CEP112: variants seen among roughly 807,000 people sequenced by gnomAD.
The protein encoded by CEP112 is centrosomal protein 112, also known as centrosomal protein of 112 kDa.
CEP112 carries 127 observed loss-of-function variants against 153.0 expected under a neutral mutation model. The ratio of observed to expected loss-of-function variants is 0.83; its 90% CI spans 0.72 to 0.96. The LOEUF (loss-of-function observed/expected upper bound fraction) is 0.96, where lower values mean the gene tolerates loss of function less well. CEP112 is among the 40% of genes least tolerant of loss of function. CEP112 has a pLI of 0.00. For synonymous variants in CEP112, 358 were observed against 374.4 expected (o/e 0.96, Z 0.51); for missense variants, 1,089 against 1,101.2 (o/e 0.99, Z 0.16).
intron 18 of CEP112, among the ~76,000 whole-genome samples, chr17:65,959,642 C>A (rs999142423): frequency 6.6e-6 from 1 of 152,198 alleles, no homozygotes; most frequent in Non-Finnish European, 1.5e-5. Context: ...TGGTTCCTGG[C>A]ATCTCCAAGC....
chr17:65,659,891 G>A (rs2046257556), intron 24 of CEP112, among the ~76,000 whole-genome samples: 1 of 152,126 alleles, frequency 6.6e-6, no homozygotes, highest in East Asian at 1.9e-4. Context: ...GATTTGACTG[G>A]GACATTGAAG....
intron 24 of CEP112, among the ~76,000 whole-genome samples, chr17:65,672,656 G>A (rs367555244): frequency 2.0e-5 from 3 of 152,104 alleles, no homozygotes; most frequent in Non-Finnish European, 4.4e-5. Flanking sequence ...CTTGCTTAAC[G>A]TTCCATAGCA....
At chr17:65,743,754 T>A (rs9902764) in intron 22 of CEP112, among the ~76,000 whole-genome samples, 5,782 of 152,166 alleles carry the variant, frequency 0.038, 367 homozygotes, top group African/African-American at 0.13. Flanking sequence ...GCCTTTTATT[T>A]TTTTTTTTAA....
rs143864387 is a variant in CEP112, at chr17:65,643,823, G to A, written c.2698-2758C>T. ...TCTCCAGATTGTCATTGACTACTGG[G>A]TTTGAATTCTTGATGTAAGCAGAAA... is the stretch of plus-strand genomic sequence containing the variant. On this transcript the variant is annotated intron_variant, in intron 24 of 26. Transcript: ENST00000535342. Among the ~76,000 whole-genome samples, 15 of 152,296 alleles carry A rather than the reference G, an allele frequency of 9.8e-5. No individual in the cohort carries two copies. In the East Asian group the frequency reaches 2.9e-3, roughly 29 times the overall value.
chr17:65,970,633 T>C (rs961034253), intron 17 of CEP112, among the ~76,000 whole-genome samples: 1 of 152,086 alleles, frequency 6.6e-6, no homozygotes, highest in Admixed American at 6.6e-5. Flanking sequence ...GGAAGCATAT[T>C]ACATGCATGC....
At chr17:65,667,259 A>G (rs1163961119) in intron 24 of CEP112, among the ~76,000 whole-genome samples, 2 of 152,176 alleles carry the variant, frequency 1.3e-5, no homozygotes, top group African/African-American at 2.4e-5. Context: ...GCCTTAACAC[A>G]TGATTTAAAT....
rs118013427 is a variant in CEP112 at position 65,639,785 on chromosome 17, T to A, written c.2799+1179A>T. On this transcript the variant is annotated intron_variant, in intron 25 of 26. Transcript: ENST00000535342. ...TAAAACATTCAAACATGTTAGAAGT[T>A]TTTCTCACATCGTGAACCACATCAC... 8.4e-4 allele frequency among the ~76,000 whole-genome samples: 127 copies of A among 151,954 alleles called. 1 individual carries two copies. Among genetic ancestry groups the A allele is most frequent in the Non-Finnish European group, 1.4e-3 (96 of 67,964 alleles).
intron 21 of CEP112, among the ~76,000 whole-genome samples, chr17:65,763,643 T>G (rs1192687297): frequency 1.3e-5 from 2 of 152,056 alleles, no homozygotes; most frequent in East Asian, 3.9e-4. Context: ...GTTTTTGATC[T>G]CTAGCATTTC....
intron 20 of CEP112, among the ~76,000 whole-genome samples, chr17:65,883,334 T>G (rs1170379398): frequency 4.0e-5 from 6 of 151,652 alleles, no homozygotes; most frequent in East Asian, 3.9e-4. Context: ...TTCGTATATA[T>G]ATGATGTATA....
intron 19 of CEP112, among the ~76,000 whole-genome samples, chr17:65,926,947 T>C (rs1055585832): frequency 6.6e-6 from 1 of 152,242 alleles, no homozygotes; most frequent in East Asian, 1.9e-4. Context: ...ATGACTGATA[T>C]TGTTAGGATA....
At chr17:65,894,013 G>C (rs1029056205) in intron 20 of CEP112, among the ~76,000 whole-genome samples, 1 of 152,052 alleles carries the variant, frequency 6.6e-6, no homozygotes, top group Non-Finnish European at 1.5e-5. Flanking sequence ...AGACATCAGG[G>C]ATGTCTCTTA....
At position 66,022,583 on chromosome 17, in the gene CEP112, C is replaced by G. The variant is rs530178748; in HGVS notation, c.1656+4918G>C. On this transcript the variant is annotated intron_variant, in intron 16 of 26. Transcript: ENST00000535342. ...AATTAGCCAGGTATTGTGGCAGGCA[C>G]CTGTAGTCCCAGCTACTCAGGAGGC... Among the ~76,000 whole-genome samples the G allele has an allele frequency of 8.6e-4, 130 of 151,918 alleles. 3 individuals are homozygous for G. In the South Asian group the frequency reaches 8.7e-3, roughly 10 times the overall value.
intron 17 of CEP112, among the ~76,000 whole-genome samples, chr17:65,990,474 G>A (rs1481406937): frequency 6.6e-6 from 1 of 152,204 alleles, no homozygotes; most frequent in Non-Finnish European, 1.5e-5. Flanking sequence ...TTGGGAGAAG[G>A]AGAGCACAGA....
intron 4 of CEP112, among the ~76,000 whole-genome samples, chr17:66,160,841 A>C (rs113953998): frequency 6.6e-6 from 1 of 152,114 alleles, no homozygotes; most frequent in Non-Finnish European, 1.5e-5. Flanking sequence ...TGACAAATGG[A>C]ATCTAATTAA....
At chr17:66,104,352 C>G (rs2068691046) in intron 6 of CEP112, among the ~76,000 whole-genome samples, 1 of 152,164 alleles carries the variant, frequency 6.6e-6, no homozygotes, top group Admixed American at 6.5e-5. Context: ...AGCTCCCAAA[C>G]ATTTCTAAAC....
rs902123046 is a variant in CEP112, at chr17:65,812,291, C to A, written c.2394+39513G>T. The stretch of plus-strand genomic sequence containing the variant: ...GTGCTGGGATTACAGGCGTAAGCCA[C>A]CGCACCCGGCCTAAAGAATTTTTTA... On this transcript the variant is annotated intron_variant, in intron 21 of 26. Transcript: ENST00000535342. Among the ~76,000 whole-genome samples the A allele has an allele frequency of 2.0e-5, 3 of 152,240 alleles. No homozygotes were observed. The East Asian group carries it at 5.8e-4, about 29-fold the overall frequency.
At chr17:65,653,397 T>A (rs943541041) in intron 24 of CEP112, among the ~76,000 whole-genome samples, 2 of 152,230 alleles carry the variant, frequency 1.3e-5, no homozygotes, top group African/African-American at 4.8e-5. Flanking sequence ...GTTCTTTGAA[T>A]GTCTGGCTTA....
intron 21 of CEP112, among the ~76,000 whole-genome samples, chr17:65,794,727 T>C (rs1347624462): frequency 6.6e-6 from 1 of 152,200 alleles, no homozygotes; most frequent in Non-Finnish European, 1.5e-5. Context: ...TTGGACACCC[T>C]CCTCAAGTCT....
chr17:66,028,995 T>C (rs997320420), intron 14 of CEP112, 128 bp downstream of exon 14: 1 of 732,938 alleles, frequency 1.4e-6, no homozygotes. Flanking sequence ...CTGAAGTTCC[T>C]GTTAATTTAA....
Sources: gnomAD v4.1 joint callset for allele counts (sites outside exome capture counted in the v4.1 genomes callset) on GRCh38, gnomAD v4.1.1 for gene constraint, MANE v1.5 for transcripts, NCBI Gene and HGNC (gene_info 2026-07-23, HGNC 2026-07-21) for gene names.